Variants in GNPTAB observed in about 807,000 individuals in gnomAD.
The protein encoded by GNPTAB is N-acetylglucosamine-1-phosphotransferase subunits alpha/beta.
Under a neutral mutation model 136.6 loss-of-function variants are expected in GNPTAB, and 92 were observed. That is an observed-to-expected ratio of 0.67 (90% confidence interval 0.57 to 0.80). The LOEUF (loss-of-function observed/expected upper bound fraction) is 0.80. GNPTAB is among the 30% of genes least tolerant of loss of function. The pLI is 0.00. For missense variants in GNPTAB, 1,343 were observed against 1,501.8 expected (o/e 0.89, Z 1.75); for synonymous variants, 512 against 535.1 (o/e 0.96, Z 0.60).
At chr12:101,787,226 A>G (rs1302786686) in intron 4 of GNPTAB, among the ~76,000 whole-genome samples, 3 of 152,222 alleles carry the variant, frequency 2.0e-5, no homozygotes, top group Admixed American at 6.5e-5. Context: ...AATATTGACA[A>G]TAGTGAAATA....
chr12:101,827,957 T>C (rs749127538), intron 1 of GNPTAB, among the ~76,000 whole-genome samples: 2 of 152,040 alleles, frequency 1.3e-5, no homozygotes, highest in Non-Finnish European at 2.9e-5. Flanking sequence ...AGAGTGAGAC[T>C]CTATCTCAAA....
In GNPTAB at chr12:101,808,525, G is replaced by C. The variant is rs937237118; in HGVS notation, c.118-11763C>G. ...CCACTGCACTCCAGCCTGGATGACA[G>C]AGCAAGACTCCGTCTCCAAAAAAAA... On this transcript the variant is annotated intron_variant, in intron 1 of 20. Coordinates refer to ENST00000299314, the MANE Select transcript of GNPTAB (RefSeq NM_024312.5). Among the ~76,000 whole-genome samples, 19 of 152,200 alleles carry C rather than the reference G, an allele frequency of 1.2e-4. 2 individuals carry two copies. Among genetic ancestry groups the C allele is most frequent in the Admixed American group, 9.8e-4 (15 of 15,292 alleles).
At chr12:101,776,085 G>A (rs1953259127) in intron 7 of GNPTAB, among the ~76,000 whole-genome samples, 1 of 151,904 alleles carries the variant, frequency 6.6e-6, no homozygotes, top group South Asian at 2.1e-4. Flanking sequence ...AATGCTTGAG[G>A]GCAGGGTCTA....
At position 101,771,002 on chromosome 12, in the gene GNPTAB, G is replaced by A; in HGVS notation, c.927C>T (p.Ile309=). ...GCTTCTGTGCATCCCTTACCTGGCT[G>A]ATGGCGCTCAGATCCCATAATAAAT... ...PAYLLWDLSA[I]SQSKQDEDIS... The change falls in exon 8 of 21, where the codon ATC becomes ATT. Residue 309 remains isoleucine, a synonymous_variant. Coordinates refer to ENST00000299314, the MANE Select transcript of GNPTAB (RefSeq NM_024312.5). The A allele has an allele frequency of 6.2e-7, 1 of 1,613,990 alleles. No homozygotes were observed. Among genetic ancestry groups the A allele is most frequent in the Non-Finnish European group, 8.5e-7 (1 of 1,179,896 alleles).
At position 101,766,084 on chromosome 12, in the gene GNPTAB, A is replaced by G. The variant is rs1301397164; in HGVS notation, c.1612+7T>C. ...TCCCATTCTTATTTGTTTGGCAGTAAACATACCTTGCCCACAGTCGCCAGC... is the reference window on the plus strand; with the variant it reads ...TCCCATTCTTATTTGTTTGGCAGTAGACATACCTTGCCCACAGTCGCCAGC... On this transcript the variant is annotated splice_region_variant and intron_variant, in intron 12 of 20. Coordinates refer to ENST00000299314, the MANE Select transcript of GNPTAB (RefSeq NM_024312.5). 2 of 1,613,074 alleles carry G rather than the reference A, an allele frequency of 1.2e-6. No homozygotes were observed. The highest frequency in any genetic ancestry group is 1.7e-4 in the Middle Eastern group (1 of 5,922).
intron 4 of GNPTAB, among the ~76,000 whole-genome samples, chr12:101,787,974 A>C (rs1868764104): frequency 6.6e-6 from 1 of 151,712 alleles, no homozygotes; most frequent in Non-Finnish European, 1.5e-5. Flanking sequence ...CTCTATCAAT[A>C]AGTGTTTTTA....
chr12:101,757,032 T>C (rs1952910705), intron 18 of GNPTAB, 180 bp downstream of exon 18: 9 of 568,322 alleles, frequency 1.6e-5, no homozygotes, highest in Admixed American at 3.2e-5. Flanking sequence ...CTCATCCCTC[T>C]GCATGGGGGA....
intron 18 of GNPTAB, 192 bp downstream of exon 18, chr12:101,757,020 G>A: frequency 1.8e-6 from 1 of 550,968 alleles, no homozygotes; most frequent in Non-Finnish European, 3.2e-6. Context: ...TCGAAGTTCA[G>A]GCTCATCCCT....
At chr12:101,804,370 CA>C (rs1324647458) in intron 1 of GNPTAB, among the ~76,000 whole-genome samples, 1 of 151,384 alleles carries the variant, frequency 6.6e-6, no homozygotes, top group African/African-American at 2.4e-5. Context: ...AACGAACTAC[CA>C]AAAATACTTT....
intron 3 of GNPTAB, 78 bp downstream of exon 3, chr12:101,789,860 T>C: frequency 7.6e-7 from 1 of 1,315,398 alleles, no homozygotes; most frequent in Admixed American, 1.7e-5. Flanking sequence ...TTCATGCTCA[T>C]ATGTGAGATG....
intron 19 of GNPTAB, among the ~76,000 whole-genome samples, chr12:101,750,282 A>C (rs185834966): frequency 1.5e-3 from 223 of 152,318 alleles, no homozygotes; most frequent in African/African-American, 5.2e-3. Flanking sequence ...ACAGATTCTC[A>C]TTTTCCACTG....
Position 101,761,361 on chromosome 12 carries a change from C to T in GNPTAB, c.2916-15G>A. 1 of 1,607,624 alleles carries T rather than the reference C, an allele frequency of 6.2e-7. No individual in the cohort carries two copies. The stretch of plus-strand genomic sequence containing the variant: ...CTTCAGGGAACCTGTCCAAATATAA[C>T]ATATTACAAACTCTGGATATTCAAA... On this transcript the variant is annotated splice_polypyrimidine_tract_variant and intron_variant, in intron 14 of 20. Coordinates refer to ENST00000299314, the MANE Select transcript of GNPTAB (RefSeq NM_024312.5).
At chr12:101,809,687 A>G (rs1340908009) in intron 1 of GNPTAB, among the ~76,000 whole-genome samples, 2 of 152,242 alleles carry the variant, frequency 1.3e-5, no homozygotes, top group Non-Finnish European at 2.9e-5. Context: ...AAGAAATGAC[A>G]TTCTGGAAAA....
intron 7 of GNPTAB, among the ~76,000 whole-genome samples, chr12:101,774,602 A>G (rs376722324): frequency 5.3e-5 from 8 of 152,374 alleles, no homozygotes; most frequent in African/African-American, 1.7e-4. Flanking sequence ...GTCACAAGAT[A>G]TAAGAATTGA....
At chr12:101,763,237 AGAAAG>A (rs1435345427) in intron 13 of GNPTAB, among the ~76,000 whole-genome samples, 4 of 73,808 alleles carry the variant, frequency 5.4e-5, no homozygotes, top group South Asian at 3.5e-4. Flanking sequence ...AAAAAAAAAA[AGAAAG>A]GAAAGGAAAG....
At chr12:101,755,465 A>G (rs1264328950) in intron 18 of GNPTAB, among the ~76,000 whole-genome samples, 4 of 152,224 alleles carry the variant, frequency 2.6e-5, no homozygotes, top group African/African-American at 9.6e-5. Context: ...GGCAGAGAAC[A>G]GCTATGAAGG....
At position 101,753,446 on chromosome 12, in the gene GNPTAB, G is replaced by T. The variant is rs369510134; in HGVS notation, c.3528C>A (p.Phe1176Leu). The T allele has an allele frequency of 1.2e-6, 2 of 1,613,472 alleles. No homozygotes were observed. Among genetic ancestry groups the T allele is most frequent in the African/African-American group, 2.7e-5 (2 of 74,906 alleles). The change falls in exon 19 of 21, where the codon TTC (phenylalanine) becomes TTA (leucine). Residue 1176 changes from phenylalanine (F) to leucine (L), a missense_variant. By Grantham distance (22) the Phe-to-Leu change is conservative (BLOSUM62 0). Coordinates refer to ENST00000299314, the MANE Select transcript of GNPTAB (RefSeq NM_024312.5). The stretch of plus-strand genomic sequence containing the variant: ...GCAGTTCAAATTGGGAAGGTATGGG[G>T]AACATGGATTCATAGAAGTCCCTGA... ...AVLRDFYESM[F>L]PIPSQFELPR...
rs763162621 is a variant in GNPTAB at position 101,786,085 on chromosome 12, G to C, written c.498C>G (p.Asp166Glu). The stretch of plus-strand genomic sequence containing the variant: ...TTTTTGGTTTTGCAACATTGAAAAT[G>C]TCACTGGCAGAATGAAAAGAAGGAT... ...SLYPSFHSAS[D>E]IFNVAKPKNP... Residue 166 changes from aspartate (D) to glutamate (E), a missense_variant, in exon 5 of 21, where the codon GAC becomes GAG. Physicochemically the swap from Asp to Glu is conservative, Grantham distance 45 (BLOSUM62 2). Coordinates refer to ENST00000299314, the MANE Select transcript of GNPTAB (RefSeq NM_024312.5). The C allele has an allele frequency of 9.9e-6, 16 of 1,613,964 alleles. No homozygotes were observed. Among genetic ancestry groups the C allele is most frequent in the Non-Finnish European group, 1.4e-5 (16 of 1,179,968 alleles).
intron 1 of GNPTAB, among the ~76,000 whole-genome samples, chr12:101,824,681 G>A (rs879914770): frequency 6.6e-6 from 1 of 151,614 alleles, no homozygotes; most frequent in Non-Finnish European, 1.5e-5. Flanking sequence ...TGGCCAGGCT[G>A]CTTTCGAACT....
Sources: allele counts gnomAD v4.1 joint callset (sites outside exome capture counted in the v4.1 genomes callset), GRCh38; gene constraint gnomAD v4.1.1; transcripts MANE v1.5; gene names NCBI Gene and HGNC (gene_info 2026-07-23, HGNC 2026-07-21).